GPM6B: variants seen among roughly 807,000 people sequenced by gnomAD.
The protein encoded by GPM6B is neuronal membrane glycoprotein M6-b.
A neutral mutation model predicts 27.2 loss-of-function variants in GPM6B; 4 were observed. That is an observed-to-expected ratio of 0.15 (90% CI 0.07 to 0.34). The LOEUF (loss-of-function observed/expected upper bound fraction) is 0.34, where lower values mean the gene tolerates loss of function less well. GPM6B is among the 10% of genes least tolerant of loss of function. The pLI, the probability that GPM6B is intolerant of heterozygous loss-of-function variation, is 1.00. For missense variants in GPM6B, 183 were observed against 261.9 expected (o/e 0.70, Z 2.08); for synonymous variants, 124 against 103.1 (o/e 1.20, Z -1.23).
intron 1 of GPM6B, among the ~76,000 whole-genome samples, chrX:13,896,344 G>C (rs929540581): frequency 9.3e-6 from 1 of 107,950 alleles, no homozygotes; most frequent in Non-Finnish European, 1.9e-5. Flanking sequence ...TATGAAAGGT[G>C]TCACCCCAAG....
At chrX:13,831,177 T>TACACAC (rs536337642) in intron 1 of GPM6B, among the ~76,000 whole-genome samples, 1,918 of 81,583 alleles carry the variant, frequency 0.024, 32 homozygotes, top group African/African-American at 0.043. Context: ...AAGAGCTCAG[T>TACACAC]ACACACACAC....
chrX:13,799,424 G>C (rs961411367), intron 2 of GPM6B, among the ~76,000 whole-genome samples: 8 of 104,945 alleles, frequency 7.6e-5, no homozygotes, highest in Non-Finnish European at 1.6e-4. Context: ...GTAGAGATGG[G>C]GTTTCACCAT....
At chrX:13,818,442 C>A (rs138063152), upstream of GPM6B, among the ~76,000 whole-genome samples, 453 of 112,263 alleles carry the variant, frequency 4.0e-3, 1 homozygote, top group South Asian at 0.024. Flanking sequence ...AAAACCTGAT[C>A]TTTTAATACC....
At chrX:13,842,578 C>T (rs2049591144) in intron 1 of GPM6B, among the ~76,000 whole-genome samples, 1 of 110,987 alleles carries the variant, frequency 9.0e-6, no homozygotes, top group Non-Finnish European at 1.9e-5. Context: ...ACAACCATTT[C>T]CATTGTCAAA....
upstream of GPM6B, chrX:13,817,142 CA>C: frequency 2.4e-5 from 23 of 942,993 alleles, no homozygotes; most frequent in Non-Finnish European, 3.0e-5. Flanking sequence ...AGCCATACGT[CA>C]CCGAGGATCC....
At chrX:13,934,003 T>A (rs67655155) in intron 1 of GPM6B, among the ~76,000 whole-genome samples, 39,657 of 109,746 alleles carry the variant, frequency 0.36, 5,794 homozygotes, top group Non-Finnish European at 0.46. Context: ...CGTTTTATGA[T>A]TGATCCCTTT....
chrX:13,905,497 A>C (rs959614498), intron 1 of GPM6B, among the ~76,000 whole-genome samples: 2 of 111,426 alleles, frequency 1.8e-5, no homozygotes, highest in African/African-American at 6.5e-5. Flanking sequence ...CGTGGTGCTA[A>C]GAAACGCAAT....
chrX:13,850,808 AT>A (rs1460187599), intron 1 of GPM6B, among the ~76,000 whole-genome samples: 2 of 112,353 alleles, frequency 1.8e-5, no homozygotes, highest in African/African-American at 6.5e-5. Context: ...GTTATTTAAA[AT>A]ATTTGTAATG....
intron 1 of GPM6B, among the ~76,000 whole-genome samples, chrX:13,849,261 T>C (rs1293072639): frequency 1.8e-5 from 2 of 112,849 alleles, no homozygotes; most frequent in African/African-American, 6.4e-5. Flanking sequence ...AAAGGTAGGC[T>C]GAATTCAAAA....
intron 2 of GPM6B, among the ~76,000 whole-genome samples, chrX:13,803,321 C>T (rs1437676073): frequency 3.6e-5 from 4 of 110,682 alleles, no homozygotes; most frequent in Middle Eastern, 4.7e-3. Flanking sequence ...CCCACAACCC[C>T]GTGGCGACTC....
intron 2 of GPM6B, among the ~76,000 whole-genome samples, chrX:13,806,624 G>C (rs1413276676): frequency 1.8e-5 from 2 of 112,074 alleles, no homozygotes; most frequent in Non-Finnish European, 3.8e-5. Context: ...ACACAATTTA[G>C]ATTTTAAAGG....
intron 1 of GPM6B, among the ~76,000 whole-genome samples, chrX:13,813,131 A>G (rs753652369): frequency 2.7e-5 from 3 of 111,585 alleles, no homozygotes; most frequent in Non-Finnish European, 5.6e-5. Flanking sequence ...TCAAAATGCA[A>G]TAATTCGCAG....
At chrX:13,910,002 TC>T (rs777241414) in intron 1 of GPM6B, among the ~76,000 whole-genome samples, 1 of 111,789 alleles carries the variant, frequency 8.9e-6, no homozygotes, top group South Asian at 3.8e-4. Context: ...ACAGCTAGTC[TC>T]CCCTTTCAGG....
At chrX:13,861,247 A>G (rs2049849256) in intron 1 of GPM6B, among the ~76,000 whole-genome samples, 1 of 110,716 alleles carries the variant, frequency 9.0e-6, no homozygotes, top group African/African-American at 3.3e-5. Flanking sequence ...TACTTTTGCA[A>G]TTGCAAACTG....
At chrX:13,845,021 G>A (rs1210496418) in intron 1 of GPM6B, among the ~76,000 whole-genome samples, 6 of 99,327 alleles carry the variant, frequency 6.0e-5, no homozygotes, top group Admixed American at 1.2e-4. Context: ...ACGGAGTCTC[G>A]CTCTGTTGCC....
At chrX:13,838,276 T>C (rs1756779930) in intron 1 of GPM6B, among the ~76,000 whole-genome samples, 1 of 112,089 alleles carries the variant, frequency 8.9e-6, no homozygotes, top group African/African-American at 3.2e-5. Context: ...TTCAACAGGC[T>C]GGAGCTAGCA....
chrX:13,779,242 G>A (rs2048471132), intron 5 of GPM6B, among the ~76,000 whole-genome samples: 1 of 111,938 alleles, frequency 8.9e-6, no homozygotes, highest in African/African-American at 3.3e-5. Context: ...CCCATTGTAA[G>A]GATCTCACTC....
intron 1 of GPM6B, among the ~76,000 whole-genome samples, chrX:13,925,682 A>G (rs1921136824): frequency 9.0e-6 from 1 of 111,045 alleles, no homozygotes; most frequent in Admixed American, 9.6e-5. Flanking sequence ...CTTGGGGTAC[A>G]AAGGAAAATC....
At chrX:13,810,895 A>C (rs6633362) in intron 1 of GPM6B, among the ~76,000 whole-genome samples, 10,187 of 111,245 alleles carry the variant, frequency 0.092, 841 homozygotes, top group African/African-American at 0.25. Flanking sequence ...AAGAAAAATC[A>C]CTTCTATTTT....
Sources: allele counts gnomAD v4.1 joint callset (sites outside exome capture counted in the v4.1 genomes callset), GRCh38; gene constraint gnomAD v4.1.1; transcripts MANE v1.5; gene names NCBI Gene and HGNC (gene_info 2026-07-23, HGNC 2026-07-21).